Variants in LAMC3 observed in about 807,000 individuals in gnomAD.
LAMC3 encodes laminin subunit gamma 3.
A neutral mutation model predicts 173.8 loss-of-function variants in LAMC3; 128 were observed. The ratio of observed to expected loss-of-function variants is 0.74; its 90% CI spans 0.64 to 0.85. The LOEUF (loss-of-function observed/expected upper bound fraction) is 0.85, where lower values mean the gene tolerates loss of function less well. Among genes scored for constraint, LAMC3 ranks in the 40% least tolerant of loss-of-function variants. The pLI is 0.00. For missense variants in LAMC3, 2,022 were observed against 2,156.0 expected (o/e 0.94, Z 1.23); for synonymous variants, 897 against 909.1 (o/e 0.99, Z 0.24).
chr9:131,055,476 G>A (rs1193442030), intron 11 of LAMC3, among the ~76,000 whole-genome samples: 2 of 143,724 alleles, frequency 1.4e-5, no homozygotes, highest in African/African-American at 2.6e-5. Context: ...CCAGGCTGGA[G>A]TGCAGTGGCA....
In LAMC3 at chr9:131,052,586, A is replaced by T; in HGVS notation, c.1726A>T (p.Arg576Trp). ...GGACTCCCCACTCCCTGTACAGCTG[A>T]GGCTGGAAGGGACAGGCTTGGCCCT... The part of the protein sequence containing the change: ...PGDSPLPVQL[R>W]LEGTGLALSL... The change falls in exon 10 of 28, where the codon AGG becomes TGG. Residue 576 changes from arginine to tryptophan, a missense_variant. Arg to Trp is a moderately radical substitution (Grantham distance 101, BLOSUM62 -3). Transcript: ENST00000361069. 6.2e-7 allele frequency: 1 copy of T among 1,614,030 alleles called. No homozygotes were observed. Among genetic ancestry groups the T allele is most frequent in the Non-Finnish European group, 8.5e-7 (1 of 1,179,968 alleles).
intron 13 of LAMC3, 61 bp from the exon 14 acceptor site, chr9:131,066,899 A>C (rs1316309074): frequency 5.0e-6 from 8 of 1,600,128 alleles, no homozygotes; most frequent in Non-Finnish European, 6.0e-6. Flanking sequence ...CTTCACACCC[A>C]CCCTCATCCC....
chr9:131,082,199 C>T (rs149053504), intron 24 of LAMC3, 38 bp downstream of exon 24: 13 of 1,479,154 alleles, frequency 8.8e-6, no homozygotes, highest in Admixed American at 7.1e-5. Flanking sequence ...TGTGTAATGA[C>T]GAACGCCCCT....
At chr9:131,061,442 A>C (rs1829821777) in intron 13 of LAMC3, among the ~76,000 whole-genome samples, 1 of 152,324 alleles carries the variant, frequency 6.6e-6, no homozygotes, top group East Asian at 1.9e-4. Context: ...AATTTGGGCC[A>C]TTGAGAATTT....
chr9:131,036,274 C>T lies in LAMC3; in HGVS notation c.918C>T (p.Pro306=), dbSNP rs370676317. ...GCACAGACTGTGAGCGCTGCCTGCC[C>T]TTCTTCCAGGACCGCCCGTGGGCCC... ...TTGTDCERCL[P]FFQDRPWARG... is the part of the protein sequence containing the mutation. The change falls in exon 4 of 28, where the codon CCC becomes CCT. Residue 306 remains proline (P), a synonymous_variant. Coordinates refer to ENST00000361069, the MANE Select transcript of LAMC3 (RefSeq NM_006059.4). 39 of 1,613,354 alleles carry T rather than the reference C, an allele frequency of 2.4e-5. No homozygotes were observed. Among genetic ancestry groups the T allele is most frequent in the Non-Finnish European group, 1.7e-6 (2 of 1,179,918 alleles).
Position 131,009,482 on chromosome 9 carries a change from T to A in LAMC3, c.268T>A (p.Tyr90Asn). The change falls in exon 1 of 28, where the codon TAC becomes AAC. Residue 90 changes from tyrosine (Y) to asparagine (N), a missense_variant. Transcript: ENST00000361069. The surrounding 1 kb of genome is among the most constrained non-coding windows in gnomAD (Gnocchi z 4.3). ...CCCCCAGCGCCACCACAACGCCTCC[T>A]ACCTCACCGACTTCCACAGCCAGGA... is the stretch of plus-strand genomic sequence containing the variant. The part of the protein sequence containing the change: ...ADPQRHHNAS[Y>N]LTDFHSQDES... 2 of 1,549,798 alleles carry A rather than the reference T, an allele frequency of 1.3e-6. No individual in the cohort carries two copies. The highest frequency in any genetic ancestry group is 1.7e-6 in the Non-Finnish European group (2 of 1,146,912).
At chr9:131,071,443 T>C (rs971057930) in intron 17 of LAMC3, 41 bp from the exon 18 acceptor site, 1 of 1,605,898 alleles carries the variant, frequency 6.2e-7, no homozygotes, top group African/African-American at 1.3e-5. Context: ...AGGACCTCCA[T>C]GCCACCAGCC....
rs1481519118 is a variant in LAMC3, at chr9:131,092,996, AG to A, written c.*1213del. ...CTCCCGTGGCTCCCCTGACAGGGGC[AG>A]GGGTAGGGCAGCAGCACAGACCAAT... On this transcript the variant is annotated 3_prime_UTR_variant, in exon 28 of 28. Coordinates refer to ENST00000361069, the MANE Select transcript of LAMC3 (RefSeq NM_006059.4). The A allele has an allele frequency of 6.6e-6, 1 of 152,442 alleles. No homozygotes were observed. Among genetic ancestry groups the A allele is most frequent in the African/African-American group, 2.4e-5 (1 of 41,472 alleles). The allele number at this position is 152,442 out of a possible 1,614,324, so 9.4% of individuals were successfully genotyped here. A position where few individuals can be genotyped will look rare whatever the true frequency, so the allele number is the denominator to read the frequency against.
Position 131,068,210 on chromosome 9 carries a change from A to C in LAMC3, c.2726A>C (p.Gln909Pro). Reference protein sequence around the residue: ...SRCYPGFFDLQPGRGCRSCKC... With the variant: ...SRCYPGFFDLPPGRGCRSCKC... ...TGCTACCCTGGCTTCTTCGACCTCCAGCCTGGGAGGGGCTGCCGGAGGTAG... is the reference window on the plus strand; with the variant it reads ...TGCTACCCTGGCTTCTTCGACCTCCCGCCTGGGAGGGGCTGCCGGAGGTAG... Residue 909 changes from glutamine (Q) to proline (P), a missense_variant, in exon 15 of 28, where the codon CAG (glutamine) becomes CCG (proline). Coordinates refer to ENST00000361069, the MANE Select transcript of LAMC3 (RefSeq NM_006059.4). 1 of 1,611,192 alleles carries C rather than the reference A, an allele frequency of 6.2e-7. No homozygotes were observed. The highest frequency in any genetic ancestry group is 8.5e-7 in the Non-Finnish European group (1 of 1,178,562).
intron 7 of LAMC3, among the ~76,000 whole-genome samples, chr9:131,042,883 T>C (rs1333394913): frequency 1.3e-5 from 2 of 151,898 alleles, no homozygotes; most frequent in Non-Finnish European, 2.9e-5. Flanking sequence ...ACCCTCCCCT[T>C]TCATACCCAC....
intron 1 of LAMC3, among the ~76,000 whole-genome samples, chr9:131,010,927 A>C (rs1833405509): frequency 6.6e-6 from 1 of 152,196 alleles, no homozygotes; most frequent in African/African-American, 2.4e-5. Context: ...GTAAGCGCCA[A>C]GTGTCTTTCC....
chr9:131,072,923 T>C, intron 19 of LAMC3, 88 bp downstream of exon 19: 1 of 1,233,116 alleles, frequency 8.1e-7, no homozygotes, highest in Admixed American at 2.0e-5. Flanking sequence ...TGACCTTGGG[T>C]ATGACTCCCC....
At chr9:131,082,712 G>A (rs139235960) in intron 24 of LAMC3, among the ~76,000 whole-genome samples, 162 of 152,322 alleles carry the variant, frequency 1.1e-3, no homozygotes, top group Admixed American at 7.5e-3. Context: ...TGTGTGATGG[G>A]CTTCTGTGAT....
In LAMC3 at chr9:131,061,233, T is replaced by TCCTGCCCCGGAGC; in HGVS notation, c.2347+20_2347+32dup. The TCCTGCCCCGGAGC allele has an allele frequency of 6.2e-7, 1 of 1,600,222 alleles. No individual in the cohort carries two copies. Among genetic ancestry groups the TCCTGCCCCGGAGC allele is most frequent in the Non-Finnish European group, 8.5e-7 (1 of 1,177,014 alleles). ...CCCCCGGGCCAGAGAGGTAAGTGAC[T>TCCTGCCCCGGAGC]CCTGCCCCGGAGCCCTGCCCCGCAG... is the stretch of plus-strand genomic sequence containing the variant. On this transcript the variant is annotated intron_variant, in intron 13 of 27. Transcript: ENST00000361069.
At position 131,052,547 on chromosome 9, in the gene LAMC3, C is replaced by T. The variant is rs199764333; in HGVS notation, c.1687C>T (p.Arg563Trp). Residue 563 changes from arginine to tryptophan, a missense_variant, in exon 10 of 28, where the codon CGG becomes TGG. Physicochemically the swap from Arg to Trp is moderately radical, Grantham distance 101 (BLOSUM62 -3). Coordinates refer to ENST00000361069, the MANE Select transcript of LAMC3 (RefSeq NM_006059.4). ...SYGQPLILTF[R>W]VPPGDSPLPV... ...TGGGCAGCCCCTCATACTGACCTTCCGGGTGCCCCCCGGGGACTCCCCACT... is the reference window on the plus strand; with the variant it reads ...TGGGCAGCCCCTCATACTGACCTTCTGGGTGCCCCCCGGGGACTCCCCACT... 2,126 of 1,614,140 alleles carry T rather than the reference C, an allele frequency of 1.3e-3. 21 individuals carry two copies. The highest frequency in any genetic ancestry group is 5.6e-4 in the Non-Finnish European group (661 of 1,179,990).
Position 131,036,221 on chromosome 9 carries a change from G to T in LAMC3, c.865G>T (p.Ala289Ser). 1 of 1,612,704 alleles carries T rather than the reference G, an allele frequency of 6.2e-7. No homozygotes were observed. The highest frequency in any genetic ancestry group is 1.1e-5 in the South Asian group (1 of 91,040). The change falls in exon 4 of 28, where the codon GCC (alanine) becomes TCC (serine). Residue 289 changes from alanine to serine, a missense_variant. Ala to Ser is a moderately conservative substitution (Grantham distance 99). Transcript: ENST00000361069. ...CGGCCCCGACGTGGCAGGCCAGTTG[G>T]CCTGCCGGTGCCAGCACAACACCAC... ...ECGPDVAGQL[A>S]CRCQHNTTGT...
At chr9:131,085,819 C>A in intron 25 of LAMC3, 96 bp downstream of exon 25, 1 of 1,139,404 alleles carries the variant, frequency 8.8e-7, no homozygotes, top group Non-Finnish European at 1.3e-6. Flanking sequence ...GACTACTCCG[C>A]ACTCACTCAC....
At chr9:131,049,900 G>A (rs144707251) in intron 9 of LAMC3, among the ~76,000 whole-genome samples, 23 of 152,342 alleles carry the variant, frequency 1.5e-4, no homozygotes, top group African/African-American at 5.3e-4. Context: ...CCAGAACCCA[G>A]AGCCTAGAGC....
rs1250895270 is a variant in LAMC3, at chr9:131,029,155, A to G, written c.678+2566A>G. Among the ~76,000 whole-genome samples the G allele has an allele frequency of 6.6e-6, 1 of 152,234 alleles. No homozygotes were observed. Among genetic ancestry groups the G allele is most frequent in the Non-Finnish European group, 1.5e-5 (1 of 68,050 alleles). On this transcript the variant is annotated intron_variant, in intron 2 of 27. Coordinates refer to ENST00000361069, the MANE Select transcript of LAMC3 (RefSeq NM_006059.4). The surrounding 1 kb of genome is among the most constrained non-coding windows in gnomAD (Gnocchi z 4.6). ...ACCCTCTTATCAGGAGGGACATCCA[A>G]GGATATGGAGGTCACTCCCCTGGAT...
Sources: allele counts gnomAD v4.1 joint callset (sites outside exome capture counted in the v4.1 genomes callset), GRCh38; gene constraint gnomAD v4.1.1; non-coding constraint Gnocchi (gnomAD v3.1); transcripts MANE v1.5; gene names NCBI Gene and HGNC (gene_info 2026-07-23, HGNC 2026-07-21).